THSD7B: variants seen among roughly 807,000 people sequenced by gnomAD.
The protein encoded by THSD7B is thrombospondin type 1 domain containing 7B.
A neutral mutation model predicts 213.6 loss-of-function variants in THSD7B; 138 were observed. That is an observed-to-expected ratio of 0.65 (90% CI 0.56 to 0.74). The LOEUF (loss-of-function observed/expected upper bound fraction) is 0.74, where lower values mean the gene tolerates loss of function less well. THSD7B is among the 30% of genes least tolerant of loss of function. The pLI is 0.00. For synonymous variants in THSD7B, 742 were observed against 687.0 expected (o/e 1.08, Z -1.25); for missense variants, 1,931 against 1,991.5 (o/e 0.97, Z 0.58).
At chr2:137,137,923 G>A (rs1362226586) in intron 5 of THSD7B, among the ~76,000 whole-genome samples, 1 of 151,804 alleles carries the variant, frequency 6.6e-6, no homozygotes, top group Non-Finnish European at 1.5e-5. Context: ...TTTTGAAATA[G>A]GGTCTCACTC....
In THSD7B at chr2:137,673,750, C is replaced by CAAAGT. The variant is rs1398272495; in HGVS notation, c.4740-2772_4740-2768dup. Among the ~76,000 whole-genome samples the CAAAGT allele has an allele frequency of 2.6e-5, 4 of 152,062 alleles. No homozygotes were observed. In the East Asian group the frequency reaches 7.7e-4, roughly 29 times the overall value. On this transcript the variant is annotated intron_variant, in intron 27 of 27. Transcript: ENST00000409968. ...AAAGCCTTGCTAAGCTGCTATTCGG[C>CAAAGT]AAAGTACTACCATGTTCAGTGGTCC... is the stretch of plus-strand genomic sequence containing the variant.
At chr2:136,774,429 C>CTGAT (rs953905342) in intron 1 of THSD7B, among the ~76,000 whole-genome samples, 1 of 152,042 alleles carries the variant, frequency 6.6e-6, no homozygotes, top group Admixed American at 6.6e-5. Flanking sequence ...AGTTGAATTT[C>CTGAT]TGATAGTAAC....
rs540263222 is a variant in THSD7B, at chr2:137,621,300, G to A, written c.3799+574G>A. 7.8e-4 allele frequency among the ~76,000 whole-genome samples: 118 copies of A among 152,256 alleles called. 5 individuals carry two copies. In the South Asian group the frequency reaches 0.024, roughly 31 times the overall value. On this transcript the variant is annotated intron_variant, in intron 20 of 27. Coordinates refer to ENST00000409968, the MANE Select transcript of THSD7B (RefSeq NM_001316349.2). ...TCTTACATATATATTAGACAAAATT[G>A]CTCTATGTTTCCAACTCATTGGAAG...
rs547595830 is a variant in THSD7B, at chr2:137,031,803, C to A, written c.140-24617C>A. Among the ~76,000 whole-genome samples, 5 of 151,442 alleles carry A rather than the reference C, an allele frequency of 3.3e-5. No individual in the cohort carries two copies. The South Asian group carries it at 1.0e-3, about 32-fold the overall frequency. On this transcript the variant is annotated intron_variant, in intron 2 of 27. Transcript: ENST00000409968. Reference sequence around the variant, plus strand: ...ATTCCCTTATCCATGTCTTAAATCACTGGCCAACCATGGCATGCTTTTCTT... The same window carrying A: ...ATTCCCTTATCCATGTCTTAAATCAATGGCCAACCATGGCATGCTTTTCTT...
intron 3 of THSD7B, among the ~76,000 whole-genome samples, chr2:137,070,883 G>C (rs1687472238): frequency 6.6e-6 from 1 of 152,132 alleles, no homozygotes; most frequent in African/African-American, 2.4e-5. Flanking sequence ...CCCTACAAAG[G>C]ACATGAAGTC....
intron 14 of THSD7B, among the ~76,000 whole-genome samples, chr2:137,443,791 C>A (rs943526159): frequency 2.0e-5 from 3 of 151,892 alleles, no homozygotes; most frequent in Non-Finnish European, 4.4e-5. Flanking sequence ...TGGCTGACAC[C>A]GAAATGATTT....
chr2:136,997,178 C>T (rs548076414), intron 2 of THSD7B, among the ~76,000 whole-genome samples: 2 of 152,106 alleles, frequency 1.3e-5, no homozygotes, highest in African/African-American at 4.8e-5. Context: ...TGAAAATATT[C>T]CCTGGTGTAG....
chr2:137,642,903 T>A (rs368413108), intron 21 of THSD7B, among the ~76,000 whole-genome samples: 1 of 152,206 alleles, frequency 6.6e-6, no homozygotes, highest in African/African-American at 2.4e-5. Flanking sequence ...TCCTTAAGAA[T>A]TCTGTTATTT....
At chr2:137,379,542 C>T (rs1005759451) in intron 12 of THSD7B, among the ~76,000 whole-genome samples, 1 of 152,184 alleles carries the variant, frequency 6.6e-6, no homozygotes, top group African/African-American at 2.4e-5. Context: ...AGGGAGAAAT[C>T]AAATGCAAGG....
In THSD7B at chr2:137,170,841, C is replaced by T. The variant is rs2104995153; in HGVS notation, c.1626C>T (p.Cys542=). The T allele has an allele frequency of 1.9e-6, 3 of 1,613,698 alleles. No homozygotes were observed. The South Asian group carries it at 3.3e-5, about 18-fold the overall frequency. Residue 542 remains cysteine, a synonymous_variant, in exon 7 of 28, where the codon TGC becomes TGT. Transcript: ENST00000409968. ...VESVPCEDPM[C]YRWLASEGIC... ...CTGTTCCTTGTGAGGATCCAATGTGCTACCGATGGCTGGCATCAGAAGGGA... is the reference window on the plus strand; with the variant it reads ...CTGTTCCTTGTGAGGATCCAATGTGTTACCGATGGCTGGCATCAGAAGGGA...
At chr2:137,553,265 A>C (rs1263428272) in intron 15 of THSD7B, among the ~76,000 whole-genome samples, 1 of 152,192 alleles carries the variant, frequency 6.6e-6, no homozygotes, top group African/African-American at 2.4e-5. Flanking sequence ...TTATTGCTAC[A>C]GAAAGGCAGA....
chr2:137,211,365 C>CACACACAGA, intron 7 of THSD7B, among the ~76,000 whole-genome samples: 1 of 89,548 alleles, frequency 1.1e-5, no homozygotes, highest in African/African-American at 3.1e-5. Flanking sequence ...CACACACACA[C>CACACACAGA]GGAATATATT....
chr2:137,208,187 T>C (rs1681025773), intron 7 of THSD7B, among the ~76,000 whole-genome samples: 1 of 152,094 alleles, frequency 6.6e-6, no homozygotes. Context: ...TAAAGACATA[T>C]GTGATTAACT....
intron 15 of THSD7B, among the ~76,000 whole-genome samples, chr2:137,533,542 T>C (rs1401371064): frequency 6.6e-6 from 1 of 152,010 alleles, no homozygotes; most frequent in African/African-American, 2.4e-5. Context: ...TTTGTTGTTT[T>C]GCTTTGTTTG....
At chr2:136,804,268 G>A (rs930782031) in intron 1 of THSD7B, among the ~76,000 whole-genome samples, 7 of 152,030 alleles carry the variant, frequency 4.6e-5, no homozygotes, top group African/African-American at 7.2e-5. Context: ...AAGATCTTCC[G>A]TATATAATTA....
chr2:137,231,409 C>T (rs1681636807), intron 8 of THSD7B, among the ~76,000 whole-genome samples, 174 bp downstream of exon 8: 1 of 152,150 alleles, frequency 6.6e-6, no homozygotes, highest in South Asian at 2.1e-4. Flanking sequence ...CTTTGATTCT[C>T]TAGTTAAGCT....
chr2:136,771,421 T>C (rs1002801747), intron 1 of THSD7B, among the ~76,000 whole-genome samples: 1 of 152,134 alleles, frequency 6.6e-6, no homozygotes, highest in Non-Finnish European at 1.5e-5. Context: ...ACAGAAAAAA[T>C]AGGATTCCAG....
intron 2 of THSD7B, among the ~76,000 whole-genome samples, chr2:136,926,751 C>A (rs1346374416): frequency 1.3e-5 from 2 of 151,798 alleles, no homozygotes; most frequent in African/African-American, 4.8e-5. Flanking sequence ...GTTCTGAGAA[C>A]CTCTTTTGTC....
intron 12 of THSD7B, among the ~76,000 whole-genome samples, chr2:137,388,353 AAAG>A (rs1406485192): frequency 2.0e-5 from 3 of 152,210 alleles, no homozygotes; most frequent in Non-Finnish European, 4.4e-5. Context: ...GTAAAAAAAA[AAAG>A]GAGAGTGACC....
Sources: gnomAD v4.1 joint callset for allele counts (sites outside exome capture counted in the v4.1 genomes callset) on GRCh38, gnomAD v4.1.1 for gene constraint, MANE v1.5 for transcripts, NCBI Gene and HGNC (gene_info 2026-07-23, HGNC 2026-07-21) for gene names.